PRKAG2: variants seen among roughly 807,000 people sequenced by gnomAD.
The protein encoded by PRKAG2 is protein kinase AMP-activated non-catalytic subunit gamma 2.
PRKAG2 carries 26 observed loss-of-function variants against 69.6 expected under a neutral mutation model. That is an observed-to-expected ratio of 0.37 (90% confidence interval 0.27 to 0.52). The LOEUF is 0.52. PRKAG2 is among the 20% of genes least tolerant of loss of function. The probability of loss-of-function intolerance (pLI) is 0.90; values close to 1 mark genes in which losing one functional copy is unlikely to be tolerated. For synonymous variants in PRKAG2, 293 were observed against 285.0 expected (o/e 1.03, Z -0.28); for missense variants, 557 against 740.0 (o/e 0.75, Z 2.87).
Position 151,876,909 on chromosome 7 carries a change from T to C in PRKAG2, c.-289A>G. 1 of 517,764 alleles carries C rather than the reference T, an allele frequency of 1.9e-6. No individual in the cohort carries two copies. Among genetic ancestry groups the C allele is most frequent in the Non-Finnish European group, 3.5e-6 (1 of 285,618 alleles). 32.1% of individuals were successfully genotyped at this position (517,764 alleles called of 1,614,324 possible). On this transcript the variant is annotated 5_prime_UTR_variant, in exon 1 of 16. Coordinates refer to ENST00000287878, the MANE Select transcript of PRKAG2 (RefSeq NM_016203.4). Reference sequence around the variant, plus strand: ...GTTACTCGTGGCTGAGGTCTCCCGCTGGGTGACAAAGTTTTCTTCCTTTTG... The same window carrying C: ...GTTACTCGTGGCTGAGGTCTCCCGCCGGGTGACAAAGTTTTCTTCCTTTTG...
rs878970851 is a variant in PRKAG2 at position 151,814,695 on chromosome 7, G to T, written c.115-28154C>A. The T allele has an allele frequency of 1.9e-4, 240 of 1,231,782 alleles. 1 individual carries two copies. The South Asian group carries it at 7.0e-3, about 36-fold the overall frequency. 76.3% of individuals were successfully genotyped at this position (1,231,782 alleles called of 1,614,324 possible). A position where few individuals can be genotyped will look rare whatever the true frequency, so the allele number is the denominator to read the frequency against. The stretch of plus-strand genomic sequence containing the variant: ...GTGTGTTCCCAGTCCCCAAGGCAGC[G>T]CAACAAGCGGCTGGCAGACAGCATG... On this transcript the variant is annotated intron_variant, in intron 1 of 15. Coordinates refer to ENST00000287878, the MANE Select transcript of PRKAG2 (RefSeq NM_016203.4). This position sits in a 1 kb window ranked among gnomAD's most constrained non-coding sequence, Gnocchi z 4.8.
chr7:151,574,926 T>C lies in PRKAG2; in HGVS notation c.970A>G (p.Ile324Val). The C allele has an allele frequency of 6.2e-7, 1 of 1,613,278 alleles. No individual in the cohort carries two copies. Among genetic ancestry groups the C allele is most frequent in the Non-Finnish European group, 8.5e-7 (1 of 1,179,724 alleles). Residue 324 changes from isoleucine to valine, a missense_variant, in exon 8 of 16, where the codon ATA (isoleucine) becomes GTA (valine). Around this residue, in one of 2 missense-constraint regions of PRKAG2, gnomAD observed 205 missense variants for 383.4 expected, o/e 0.53. Transcript: ENST00000287878. ...TTATAGTATCTATGTAGTATATTTA[T>C]GAAATCTGTAATTGTTAGCATTCCT... Reference protein sequence around the residue: ...FVGMLTITDFINILHRYYKSP... With the variant: ...FVGMLTITDFVNILHRYYKSP...
intron 3 of PRKAG2, among the ~76,000 whole-genome samples, chr7:151,722,890 C>T (rs1321643362): frequency 6.6e-6 from 1 of 152,118 alleles, no homozygotes; most frequent in Non-Finnish European, 1.5e-5. Context: ...CCTCCAGCTG[C>T]TCCCCATTTC....
intron 3 of PRKAG2, among the ~76,000 whole-genome samples, chr7:151,679,189 G>A (rs1054313589): frequency 6.6e-6 from 1 of 152,114 alleles, no homozygotes; most frequent in African/African-American, 2.4e-5. Context: ...CAGCTGCTTG[G>A]CACTGAGAAA....
chr7:151,815,471 C>T (rs2078614196), intron 1 of PRKAG2, among the ~76,000 whole-genome samples: 1 of 152,152 alleles, frequency 6.6e-6, no homozygotes, highest in African/African-American at 2.4e-5. Flanking sequence ...ACCCAAATCA[C>T]CCCAGGGCAG....
In PRKAG2 at chr7:151,836,058, T is replaced by A. The variant is rs1198183035; in HGVS notation, c.114+40449A>T. Among the ~76,000 whole-genome samples, 1 of 152,200 alleles carries A rather than the reference T, an allele frequency of 6.6e-6. No homozygotes were observed. The highest frequency in any genetic ancestry group is 1.5e-5 in the Non-Finnish European group (1 of 68,018). ...ACCCAGTGCACATCCTGAGTCTAAC[T>A]CACCCCGACATTTTTTGGTTTTAAA... On this transcript the variant is annotated intron_variant, in intron 1 of 15. Transcript: ENST00000287878. The surrounding 1 kb of genome is among the most constrained non-coding windows in gnomAD (Gnocchi z 4.1).
intron 1 of PRKAG2, among the ~76,000 whole-genome samples, chr7:151,799,474 TGC>T (rs2077718489): frequency 6.6e-6 from 1 of 152,230 alleles, no homozygotes; most frequent in South Asian, 2.1e-4. Flanking sequence ...ACTTGGGTTC[TGC>T]GGGCACCTTT....
chr7:151,559,765 C>T (rs1804503697), intron 15 of PRKAG2: 1 of 985,228 alleles, frequency 1.0e-6, no homozygotes, highest in Non-Finnish European at 1.2e-6. Flanking sequence ...ATGCTGTTTG[C>T]TCCCACATCG....
At chr7:151,591,238 C>T (rs1813055686) in intron 6 of PRKAG2, among the ~76,000 whole-genome samples, 1 of 152,258 alleles carries the variant, frequency 6.6e-6, no homozygotes, top group South Asian at 2.1e-4. Flanking sequence ...TACCAATCTA[C>T]AAGGACCCCT....
chr7:151,713,648 G>A (rs533780536), intron 3 of PRKAG2, among the ~76,000 whole-genome samples: 4 of 150,578 alleles, frequency 2.7e-5, no homozygotes, highest in Admixed American at 6.6e-5. Context: ...GCAGTGGTGC[G>A]AACACAGCTC....
chr7:151,735,076 G>C (rs1404145485), intron 3 of PRKAG2, among the ~76,000 whole-genome samples: 1 of 151,948 alleles, frequency 6.6e-6, no homozygotes, highest in African/African-American at 2.4e-5. Flanking sequence ...GGCTGGTCTC[G>C]AACTCCTGAC....
chr7:151,749,033 C>T (rs1038982398), intron 3 of PRKAG2, among the ~76,000 whole-genome samples: 2 of 152,192 alleles, frequency 1.3e-5, no homozygotes, highest in African/African-American at 2.4e-5. Flanking sequence ...AAGAGGCTGA[C>T]GGTTTTCCTC....
At chr7:151,806,104 G>A (rs548188941) in intron 1 of PRKAG2, among the ~76,000 whole-genome samples, 11 of 152,316 alleles carry the variant, frequency 7.2e-5, no homozygotes, top group East Asian at 5.8e-4. Context: ...CAGGAGAATC[G>A]CTTGAACCCG....
chr7:151,705,450 C>T lies in PRKAG2; in HGVS notation c.467-29813G>A, dbSNP rs200820178. ...CCCAAGCAGGATCACCCCGGTATGC[C>T]GAACACGCAGCCGGCATCTGGCTGC... On this transcript the variant is annotated intron_variant, in intron 3 of 15. Transcript: ENST00000287878. Among the ~76,000 whole-genome samples the T allele has an allele frequency of 3.7e-4, 56 of 152,238 alleles. No individual in the cohort carries two copies. The East Asian group carries it at 5.8e-3, about 16-fold the overall frequency.
intron 3 of PRKAG2, among the ~76,000 whole-genome samples, chr7:151,746,688 C>T (rs1039799931): frequency 6.6e-5 from 10 of 152,326 alleles, no homozygotes; most frequent in East Asian, 1.9e-4. Context: ...GACTGAAGGC[C>T]GCCTGCTCCA....
chr7:151,824,906 C>T (rs1312980446), intron 1 of PRKAG2, among the ~76,000 whole-genome samples: 1 of 152,108 alleles, frequency 6.6e-6, no homozygotes, highest in Non-Finnish European at 1.5e-5. Context: ...CTCAGTGTAA[C>T]TTATAGCGCT....
intron 4 of PRKAG2, among the ~76,000 whole-genome samples, chr7:151,640,679 C>A (rs1030697423): frequency 1.3e-5 from 2 of 152,130 alleles, no homozygotes; most frequent in African/African-American, 4.8e-5. Context: ...TTCCTTCCTT[C>A]CTTCCCCGAT....
chr7:151,729,207 G>A (rs2151672761), intron 3 of PRKAG2, among the ~76,000 whole-genome samples: 1 of 152,262 alleles, frequency 6.6e-6, no homozygotes, highest in East Asian at 1.9e-4. Flanking sequence ...ACGGCTGGGA[G>A]TGGAGAGTTC....
chr7:151,742,805 G>C (rs1350804235), intron 3 of PRKAG2, among the ~76,000 whole-genome samples: 3 of 152,164 alleles, frequency 2.0e-5, no homozygotes, highest in African/African-American at 7.2e-5. Context: ...GCTGAGCACA[G>C]AGGTGGGGCA....
Sources: gnomAD v4.1 joint callset for allele counts (sites outside exome capture counted in the v4.1 genomes callset) on GRCh38, gnomAD v4.1.1 for gene constraint, gnomAD v4.1.1 regional missense constraint, Gnocchi (gnomAD v3.1) non-coding constraint, MANE v1.5 for transcripts, NCBI Gene and HGNC (gene_info 2026-07-23, HGNC 2026-07-21) for gene names.